SLCO1B3: variants seen among roughly 807,000 people sequenced by gnomAD.
SLCO1B3 encodes solute carrier organic anion transporter family member 1B3, also known as liver-specific organic anion transporter 2.
Under a neutral mutation model 71.8 loss-of-function variants are expected in SLCO1B3, and 72 were observed. The ratio of observed to expected loss-of-function variants is 1.00; its 90% CI spans 0.83 to 1.22. The LOEUF (loss-of-function observed/expected upper bound fraction) is 1.22. Among genes scored for constraint, SLCO1B3 ranks in the 50% most tolerant of loss-of-function variants. The pLI is 0.00. For synonymous variants in SLCO1B3, 298 were observed against 278.4 expected (o/e 1.07, Z -0.70); for missense variants, 911 against 819.7 (o/e 1.11, Z -1.36).
chr12:20,878,459 G>A (rs1175114337), intron 10 of SLCO1B3, among the ~76,000 whole-genome samples: 2 of 152,052 alleles, frequency 1.3e-5, no homozygotes, highest in African/African-American at 4.8e-5. Flanking sequence ...TATTTTCAAA[G>A]TCATATTGAG....
intron 13 of SLCO1B3, among the ~76,000 whole-genome samples, chr12:20,892,571 A>G (rs142161679): frequency 9.9e-4 from 151 of 152,256 alleles, no homozygotes; most frequent in African/African-American, 3.4e-3. Context: ...ACAAGAAGGG[A>G]AATTTTCTAT....
chr12:20,898,531 A>G (rs762949449), intron 14 of SLCO1B3, 31 bp downstream of exon 14: 8 of 1,098,144 alleles, frequency 7.3e-6, no homozygotes, highest in Non-Finnish European at 1.1e-5. Flanking sequence ...ATACATTTTA[A>G]CATATAAATA....
chr12:20,835,830 A>G (rs1864666923), intron 3 of SLCO1B3, among the ~76,000 whole-genome samples: 1 of 152,110 alleles, frequency 6.6e-6, no homozygotes, highest in Non-Finnish European at 1.5e-5. Context: ...CCCAGTTCCA[A>G]AGCTGCTTCC....
At chr12:20,845,921 A>T (rs557020581) in intron 3 of SLCO1B3, among the ~76,000 whole-genome samples, 1 of 151,166 alleles carries the variant, frequency 6.6e-6, no homozygotes, top group Non-Finnish European at 1.5e-5. Context: ...ATAAAAATTT[A>T]ATCTCTTTTT....
chr12:20,890,570 G>C (rs1247356761), intron 13 of SLCO1B3, among the ~76,000 whole-genome samples: 1 of 152,146 alleles, frequency 6.6e-6, no homozygotes, highest in Non-Finnish European at 1.5e-5. Context: ...AAGTTTCTTT[G>C]TCGATTTTTG....
chr12:20,881,446 A>G lies in SLCO1B3; in HGVS notation c.1497+426A>G, dbSNP rs186871967. 1.6e-3 allele frequency among the ~76,000 whole-genome samples: 243 copies of G among 152,248 alleles called. 2 individuals carry two copies. The highest frequency in any genetic ancestry group is 2.7e-3 in the Non-Finnish European group (181 of 67,984). On this transcript the variant is annotated intron_variant, in intron 12 of 15. Coordinates refer to ENST00000381545, the MANE Select transcript of SLCO1B3 (RefSeq NM_019844.4). ...ACCTGCTTTACGAGAACAATAATCT[A>G]TTTGCATTTTAATATATACATACTG... is the stretch of plus-strand genomic sequence containing the variant.
In SLCO1B3 at chr12:20,815,662, C is replaced by A; in HGVS notation, c.-65-12C>A. ...TAAAGTAAAATAAATTATACTTTTTCTTTTTTAACAGGTGATCATTTCAAA... is the reference window on the plus strand; with the variant it reads ...TAAAGTAAAATAAATTATACTTTTTATTTTTTAACAGGTGATCATTTCAAA... On this transcript the variant is annotated splice_polypyrimidine_tract_variant and intron_variant, in intron 2 of 15. Transcript: ENST00000381545. 2.1e-6 allele frequency: 2 copies of A among 930,834 alleles called. No individual in the cohort carries two copies. Among genetic ancestry groups the A allele is most frequent in the Non-Finnish European group, 1.7e-6 (1 of 595,942 alleles). 57.7% of individuals were successfully genotyped at this position (930,834 alleles called of 1,614,324 possible).
At chr12:20,876,376 C>T (rs1241690431) in intron 9 of SLCO1B3, among the ~76,000 whole-genome samples, 2 of 152,182 alleles carry the variant, frequency 1.3e-5, no homozygotes, top group African/African-American at 2.4e-5. Context: ...AAACCTGAAG[C>T]AGTGCAACCA....
intron 4 of SLCO1B3, among the ~76,000 whole-genome samples, chr12:20,857,142 G>A (rs1565591178): frequency 2.6e-5 from 4 of 152,020 alleles, no homozygotes; most frequent in Non-Finnish European, 4.4e-5. Flanking sequence ...ATTCAATGTT[G>A]TATATGAGAA....
Position 20,862,849 on chromosome 12 carries a change from A to T in SLCO1B3, c.722A>T (p.Asp241Val), listed in dbSNP as rs746163941. 13 of 1,559,062 alleles carry T rather than the reference A, an allele frequency of 8.3e-6. No homozygotes were observed. The highest frequency in any genetic ancestry group is 1.1e-5 in the Non-Finnish European group (12 of 1,130,490). Residue 241 changes from aspartate (D) to valine (V), a missense_variant, in exon 8 of 16, where the codon GAT becomes GTT. By Grantham distance (152) the Asp-to-Val change is radical (BLOSUM62 -3). Coordinates refer to ENST00000381545, the MANE Select transcript of SLCO1B3 (RefSeq NM_019844.4). ...AKMYVDIGYV[D>V]LSTIRITPKD... ...ATGTACGTGGATATTGGATATGTAG[A>T]TCTGAGTAAGTACAATTAGAACAAG... is the stretch of plus-strand genomic sequence containing the variant.
At chr12:20,915,909 T>C (rs1591796642) in intron 15 of SLCO1B3, 95 bp from the exon 16 acceptor site, 2 of 881,412 alleles carry the variant, frequency 2.3e-6, no homozygotes, top group African/African-American at 3.4e-5. Context: ...AACTTGTTTT[T>C]CTTTCTTTTA....
intron 3 of SLCO1B3, chr12:20,844,940 G>T: frequency 5.0e-6 from 1 of 198,848 alleles, no homozygotes; most frequent in Non-Finnish European, 1.0e-5. Context: ...TGAGGCAGGA[G>T]AATTGCTTGA....
intron 8 of SLCO1B3, among the ~76,000 whole-genome samples, chr12:20,871,717 A>G (rs1235491778): frequency 2.0e-5 from 3 of 152,120 alleles, no homozygotes; most frequent in African/African-American, 7.2e-5. Context: ...CTTTCTCCAA[A>G]GCAAATGTAG....
In SLCO1B3 at chr12:20,883,485, G is replaced by T. The variant is rs747168973; in HGVS notation, c.1565G>T (p.Gly522Val). The change falls in exon 13 of 16, where the codon GGT (glycine) becomes GTT (valine). Residue 522 changes from glycine (G) to valine (V), a missense_variant. Coordinates refer to ENST00000381545, the MANE Select transcript of SLCO1B3 (RefSeq NM_019844.4). ...LQNRNYSAHLGECPRDNTCTR... is the reference protein window; with the variant it reads ...LQNRNYSAHLVECPRDNTCTR... ...AACAGAAATTACTCAGCACACTTGGGTGAATGCCCAAGAGATAATACTTGT... is the reference window on the plus strand; with the variant it reads ...AACAGAAATTACTCAGCACACTTGGTTGAATGCCCAAGAGATAATACTTGT... 1 of 1,599,954 alleles carries T rather than the reference G, an allele frequency of 6.3e-7. No homozygotes were observed. Among genetic ancestry groups the T allele is most frequent in the Non-Finnish European group, 8.5e-7 (1 of 1,172,984 alleles).
intron 3 of SLCO1B3, among the ~76,000 whole-genome samples, chr12:20,844,120 T>C (rs1864858415): frequency 6.6e-6 from 1 of 152,018 alleles, no homozygotes; most frequent in South Asian, 2.1e-4. Context: ...CATATATATA[T>C]AGTATATAAG....
At chr12:20,830,590 A>G (rs1439779839) in intron 3 of SLCO1B3, among the ~76,000 whole-genome samples, 1 of 152,166 alleles carries the variant, frequency 6.6e-6, no homozygotes, top group Non-Finnish European at 1.5e-5. Context: ...CCTGCTTAGG[A>G]ACAAAAGAAA....
chr12:20,818,587 T>A (rs1864233571), intron 3 of SLCO1B3, among the ~76,000 whole-genome samples: 1 of 151,986 alleles, frequency 6.6e-6, no homozygotes, highest in Admixed American at 6.6e-5. Flanking sequence ...GCCTGAATAA[T>A]CCTTGAGGAG....
At chr12:20,813,022 TC>T (rs2121060708) in intron 1 of SLCO1B3, among the ~76,000 whole-genome samples, 1 of 152,328 alleles carries the variant, frequency 6.6e-6, no homozygotes, top group African/African-American at 2.4e-5. Flanking sequence ...TTGATTTTTT[TC>T]CTCACTTTAC....
chr12:20,821,631 T>C (rs974327569), intron 3 of SLCO1B3, among the ~76,000 whole-genome samples: 2 of 151,636 alleles, frequency 1.3e-5, no homozygotes, highest in African/African-American at 4.8e-5. Flanking sequence ...GGAGAAGGGG[T>C]TGAGGGGTAC....
Sources: allele counts gnomAD v4.1 joint callset (sites outside exome capture counted in the v4.1 genomes callset), GRCh38; gene constraint gnomAD v4.1.1; transcripts MANE v1.5; gene names NCBI Gene and HGNC (gene_info 2026-07-23, HGNC 2026-07-21).